Variants in EYS observed in about 807,000 individuals in gnomAD.
EYS encodes EGF-like photoreceptor maintenance factor, also known as protein eyes shut homolog.
In EYS, 250 loss-of-function variants were observed where a neutral mutation model predicts 282.1. That is an observed-to-expected ratio of 0.89 (90% CI 0.80 to 0.98). The LOEUF (loss-of-function observed/expected upper bound fraction) is 0.98. EYS is among the 50% of genes least tolerant of loss of function. The pLI, the probability that EYS is intolerant of heterozygous loss-of-function variation, is 0.00. For synonymous variants in EYS, 1,355 were observed against 1,282.9 expected (o/e 1.06, Z -1.20); for missense variants, 4,016 against 3,709.0 (o/e 1.08, Z -2.15).
intron 13 of EYS, among the ~76,000 whole-genome samples, chr6:65,027,239 T>G (rs1402481096): frequency 4.6e-5 from 7 of 152,230 alleles, no homozygotes; most frequent in Non-Finnish European, 5.9e-5. Flanking sequence ...GTTATTTAGA[T>G]CAGTTCCTTT....
chr6:64,687,525 T>C (rs1372577642), intron 22 of EYS, among the ~76,000 whole-genome samples: 1 of 152,200 alleles, frequency 6.6e-6, no homozygotes, highest in Non-Finnish European at 1.5e-5. Flanking sequence ...ATTACATTTA[T>C]TGATTTGCAT....
intron 13 of EYS, among the ~76,000 whole-genome samples, chr6:65,026,543 C>A (rs1772413743): frequency 6.6e-6 from 1 of 152,114 alleles, no homozygotes; most frequent in Non-Finnish European, 1.5e-5. Context: ...GCGTTGCCTT[C>A]CTGTGTCAGA....
rs557951014 is a variant in EYS, at chr6:64,614,135, C to T, written c.3684+3283G>A. 3.9e-5 allele frequency among the ~76,000 whole-genome samples: 6 copies of T among 152,188 alleles called. No homozygotes were observed. In the South Asian group the frequency reaches 8.3e-4, roughly 21 times the overall value. On this transcript the variant is annotated intron_variant, in intron 24 of 42. Transcript: ENST00000503581. ...TATCAACAGGGATCTTTTATAACAA[C>T]AGGAGATTACAACTGAAAGAACTCC...
At chr6:64,661,775 A>T (rs894330374) in intron 22 of EYS, among the ~76,000 whole-genome samples, 11 of 136,484 alleles carry the variant, frequency 8.1e-5, no homozygotes, top group Admixed American at 1.5e-4. Flanking sequence ...ACACTTTTAC[A>T]CTGTTGGTGG....
intron 24 of EYS, among the ~76,000 whole-genome samples, chr6:64,607,513 A>C (rs187720431): frequency 3.7e-4 from 56 of 152,114 alleles, no homozygotes; most frequent in Non-Finnish European, 1.6e-4. Flanking sequence ...AGTTATCTGC[A>C]GCTTTTTTAT....
At chr6:64,913,443 G>A (rs1231941489) in intron 15 of EYS, among the ~76,000 whole-genome samples, 1 of 151,826 alleles carries the variant, frequency 6.6e-6, no homozygotes, top group Non-Finnish European at 1.5e-5. Flanking sequence ...AGCCTCTATT[G>A]TTTCCATCTT....
intron 5 of EYS, among the ~76,000 whole-genome samples, chr6:65,472,336 G>A (rs190795174): frequency 6.6e-6 from 1 of 152,150 alleles, no homozygotes; most frequent in Admixed American, 6.5e-5. Flanking sequence ...TTGGAAGGCA[G>A]TACGTTAGGA....
At chr6:64,563,374 T>C (rs1294309385) in intron 26 of EYS, among the ~76,000 whole-genome samples, 1 of 152,056 alleles carries the variant, frequency 6.6e-6, no homozygotes, top group Admixed American at 6.6e-5. Flanking sequence ...TTAAAGAACA[T>C]CAGAGAGCCT....
intron 22 of EYS, among the ~76,000 whole-genome samples, chr6:64,762,446 C>T (rs1190267088): frequency 6.6e-6 from 1 of 152,144 alleles, no homozygotes; most frequent in Non-Finnish European, 1.5e-5. Flanking sequence ...ATATCAGTTG[C>T]TTGTTATGTT....
At chr6:63,841,763 C>A (rs554137990) in intron 36 of EYS, among the ~76,000 whole-genome samples, 1 of 152,182 alleles carries the variant, frequency 6.6e-6, no homozygotes, top group Admixed American at 6.5e-5. Context: ...TCCCTTTGCC[C>A]CCCGCCACCC....
chr6:64,024,540 G>T (rs557394346), intron 33 of EYS, among the ~76,000 whole-genome samples: 1 of 152,152 alleles, frequency 6.6e-6, no homozygotes, highest in Admixed American at 6.5e-5. Flanking sequence ...CAACCTGTTT[G>T]GGTCCCCTTC....
In EYS at chr6:65,186,306, G is replaced by A. The variant is rs1013131817; in HGVS notation, c.2023+109557C>T. On this transcript the variant is annotated intron_variant, in intron 12 of 42. Transcript: ENST00000503581. ...AGAGTTAAAATATAGGAAAGATCAC[G>A]TTTCATACGAAAAATCACAATTCAC... Among the ~76,000 whole-genome samples the A allele has an allele frequency of 1.1e-4, 16 of 151,686 alleles. No individual in the cohort carries two copies. The East Asian group carries it at 1.8e-3, about 17-fold the overall frequency.
At chr6:65,269,130 CA>C (rs1267737413) in intron 12 of EYS, among the ~76,000 whole-genome samples, 26 of 152,198 alleles carry the variant, frequency 1.7e-4, no homozygotes, top group African/African-American at 6.3e-4. Flanking sequence ...AAATGACAAC[CA>C]AATCCTGCTC....
At chr6:63,851,609 G>A (rs954750857) in intron 36 of EYS, among the ~76,000 whole-genome samples, 4 of 152,234 alleles carry the variant, frequency 2.6e-5, no homozygotes, top group East Asian at 1.9e-4. Context: ...AAATAAATAA[G>A]TTATTTGAAA....
intron 35 of EYS, among the ~76,000 whole-genome samples, chr6:63,982,213 T>G (rs1248865079): frequency 6.6e-6 from 1 of 151,842 alleles, no homozygotes; most frequent in Non-Finnish European, 1.5e-5. Context: ...TGTGTTAGTT[T>G]TCTATTCCTG....
intron 13 of EYS, among the ~76,000 whole-genome samples, chr6:65,002,334 C>T (rs866094720): frequency 1.4e-5 from 2 of 147,004 alleles, no homozygotes; most frequent in South Asian, 2.2e-4. Flanking sequence ...AAATCTGGAA[C>T]AAAAATAATA....
At chr6:64,907,429 C>T (rs1767863845) in intron 16 of EYS, among the ~76,000 whole-genome samples, 1 of 152,146 alleles carries the variant, frequency 6.6e-6, no homozygotes, top group South Asian at 2.1e-4. Context: ...ACTTAATTAA[C>T]TCTTTGCCTT....
intron 33 of EYS, among the ~76,000 whole-genome samples, chr6:64,058,078 G>A (rs776186855): frequency 2.6e-5 from 4 of 152,118 alleles, no homozygotes; most frequent in African/African-American, 9.7e-5. Flanking sequence ...GACCCAGTGG[G>A]AGGGTTTTCC....
At chr6:64,861,852 A>T (rs1042166071) in intron 19 of EYS, among the ~76,000 whole-genome samples, 1 of 151,866 alleles carries the variant, frequency 6.6e-6, no homozygotes, top group Non-Finnish European at 1.5e-5. Flanking sequence ...ACCTTCATTT[A>T]CTCCTCTAAT....
Sources: allele counts gnomAD v4.1 joint callset (sites outside exome capture counted in the v4.1 genomes callset), GRCh38; gene constraint gnomAD v4.1.1; transcripts MANE v1.5; gene names NCBI Gene and HGNC (gene_info 2026-07-23, HGNC 2026-07-21).